NBAS: variants seen among roughly 807,000 people sequenced by gnomAD.
NBAS encodes NAG/BC035112 fusion.
NBAS carries 219 observed loss-of-function variants against 302.5 expected under a neutral mutation model. That is an observed-to-expected ratio of 0.72 (90% CI 0.65 to 0.81). NBAS has a LOEUF of 0.81. Among genes scored for constraint, NBAS ranks in the 30% least tolerant of loss-of-function variants. The probability of loss-of-function intolerance (pLI) is 0.00; values close to 1 mark genes in which losing one functional copy is unlikely to be tolerated. For synonymous variants in NBAS, 1,118 were observed against 1,021.6 expected (o/e 1.09, Z -1.80); for missense variants, 2,932 against 2,841.6 (o/e 1.03, Z -0.72).
chr2:15,132,678 G>A, the NBAS span, among the ~76,000 whole-genome samples: 2 of 152,100 alleles, frequency 1.3e-5, no homozygotes, highest in Non-Finnish European at 2.9e-5. Flanking sequence ...GTCTGGTGGG[G>A]TGCGGCAGGG....
intron 38 of NBAS, 43 bp from the exon 39 acceptor site, chr2:15,309,290 T>A: frequency 6.6e-7 from 1 of 1,506,720 alleles, no homozygotes; most frequent in East Asian, 2.3e-5. Context: ...AGGTTGCATA[T>A]GATATTCATA....
At chr2:15,207,191 G>A (rs1032590412) in intron 48 of NBAS, among the ~76,000 whole-genome samples, 1 of 152,196 alleles carries the variant, frequency 6.6e-6, no homozygotes, top group African/African-American at 2.4e-5. Context: ...ATGAGACATG[G>A]AGTCAAAGAA....
chr2:15,314,084 T>G (rs536936613), intron 38 of NBAS, among the ~76,000 whole-genome samples: 1 of 151,952 alleles, frequency 6.6e-6, no homozygotes, highest in African/African-American at 2.4e-5. Context: ...CCGGGCATGG[T>G]GGCTCATGCC....
At chr2:15,451,679 C>T (rs778530911) in intron 21 of NBAS, among the ~76,000 whole-genome samples, 18 of 151,896 alleles carry the variant, frequency 1.2e-4, no homozygotes, top group Non-Finnish European at 2.1e-4. Context: ...ATAAGTTTTA[C>T]GCTGTTGTAA....
intron 23 of NBAS, 36 bp downstream of exon 23, chr2:15,424,279 T>C: frequency 6.2e-7 from 1 of 1,612,810 alleles, no homozygotes; most frequent in South Asian, 1.1e-5. Context: ...GCAGTTCCAC[T>C]AACATTACTG....
chr2:14,823,132 G>C, the NBAS span, among the ~76,000 whole-genome samples: 24 of 152,314 alleles, frequency 1.6e-4, no homozygotes, highest in Admixed American at 1.6e-3. Context: ...ACCCTACAGG[G>C]ACTCGATTTA....
At chr2:15,229,781 TAA>T (rs548444923) in intron 47 of NBAS, among the ~76,000 whole-genome samples, 8 of 117,338 alleles carry the variant, frequency 6.8e-5, no homozygotes, top group Non-Finnish European at 5.4e-5. Context: ...AAACTCCACG[TAA>T]AAAAAAAAAA....
the NBAS span, among the ~76,000 whole-genome samples, chr2:14,900,361 A>T: frequency 2.0e-5 from 3 of 152,322 alleles, no homozygotes; most frequent in African/African-American, 7.2e-5. Flanking sequence ...TTTCAGCTGT[A>T]TTAAAAGGCT....
chr2:15,177,303 G>T (rs541076464), intron 51 of NBAS, among the ~76,000 whole-genome samples: 1 of 152,130 alleles, frequency 6.6e-6, no homozygotes, highest in Admixed American at 6.5e-5. Context: ...AAGGGACTTG[G>T]GCACTGCAGT....
At chr2:15,164,506 A>C (rs1186025593), downstream of NBAS, among the ~76,000 whole-genome samples, 1 of 152,212 alleles carries the variant, frequency 6.6e-6, no homozygotes. Flanking sequence ...CAGTGCTCAC[A>C]CTTCGGCTGT....
chr2:15,322,416 T>C (rs1671853407), intron 38 of NBAS, among the ~76,000 whole-genome samples: 2 of 151,782 alleles, frequency 1.3e-5, no homozygotes, highest in Admixed American at 1.3e-4. Flanking sequence ...TAAATAAAAT[T>C]TTAAAAAAAC....
intron 16 of NBAS, among the ~76,000 whole-genome samples, chr2:15,469,585 C>A (rs1679869353): frequency 6.6e-6 from 1 of 152,046 alleles, no homozygotes; most frequent in South Asian, 2.1e-4. Flanking sequence ...TTGGAACCAA[C>A]CCAAATGTCC....
chr2:14,861,983 C>CCGGT, the NBAS span, among the ~76,000 whole-genome samples: 1 of 152,246 alleles, frequency 6.6e-6, no homozygotes, highest in African/African-American at 2.4e-5. Flanking sequence ...GGAATTAAGG[C>CCGGT]CGGTATCTGG....
intron 23 of NBAS, among the ~76,000 whole-genome samples, chr2:15,421,164 T>C (rs1307501230): frequency 6.6e-6 from 1 of 152,106 alleles, no homozygotes; most frequent in Non-Finnish European, 1.5e-5. Context: ...AAAACCTCTA[T>C]CTCAAATGAA....
intron 9 of NBAS, among the ~76,000 whole-genome samples, chr2:15,531,985 C>T (rs764467010): frequency 2.6e-5 from 4 of 152,054 alleles, no homozygotes; most frequent in Non-Finnish European, 4.4e-5. Flanking sequence ...GTCACTCCCT[C>T]GAAAAGTTCC....
At chr2:15,394,175 T>C (rs903968837) in intron 28 of NBAS, 52 bp downstream of exon 28, 7 of 1,521,226 alleles carry the variant, frequency 4.6e-6, no homozygotes, top group Non-Finnish European at 3.5e-6. Context: ...GAAATACTTT[T>C]AAAAATATTT....
At chr2:15,176,923 A>G (rs1053334243) in intron 51 of NBAS, among the ~76,000 whole-genome samples, 38 of 152,362 alleles carry the variant, frequency 2.5e-4, no homozygotes, top group African/African-American at 8.9e-4. Context: ...TGTTTTTAAA[A>G]TGGAAAACTC....
chr2:15,219,085 C>T, intron 47 of NBAS, 117 bp from the exon 48 acceptor site: 1 of 1,309,268 alleles, frequency 7.6e-7, no homozygotes, highest in Non-Finnish European at 1.1e-6. Context: ...TCGTTTTTTT[C>T]CTCTTGAAAG....
At chr2:15,501,043 T>A (rs1572936771) in intron 11 of NBAS, among the ~76,000 whole-genome samples, 2 of 152,218 alleles carry the variant, frequency 1.3e-5, no homozygotes, top group African/African-American at 2.4e-5. Context: ...GGCTCACGCC[T>A]GTAATCCCAG....
Sources: allele counts gnomAD v4.1 joint callset (sites outside exome capture counted in the v4.1 genomes callset), GRCh38; gene constraint gnomAD v4.1.1; transcripts MANE v1.5; gene names NCBI Gene and HGNC (gene_info 2026-07-23, HGNC 2026-07-21).